The following TSHZ2 variants were observed in gnomAD, a reference collection of about 807,000 sequenced individuals.
The protein encoded by TSHZ2 is teashirt zinc finger homeobox 2, also known as teashirt homolog 2.
A neutral mutation model predicts 74.4 loss-of-function variants in TSHZ2; 21 were observed. The ratio of observed to expected loss-of-function variants is 0.28; its 90% CI spans 0.20 to 0.41. The LOEUF (loss-of-function observed/expected upper bound fraction) is 0.41, where lower values mean the gene tolerates loss of function less well. TSHZ2 is among the 10% of genes least tolerant of loss of function. The pLI, the probability that TSHZ2 is intolerant of heterozygous loss-of-function variation, is 1.00. For missense variants in TSHZ2, 1,244 were observed against 1,293.5 expected (o/e 0.96, Z 0.59); for synonymous variants, 540 against 515.3 (o/e 1.05, Z -0.65).
chr20:53,322,850 C>T (rs977836165), intron 2 of TSHZ2, among the ~76,000 whole-genome samples: 1 of 152,220 alleles, frequency 6.6e-6, no homozygotes, highest in Admixed American at 6.5e-5. Flanking sequence ...CTGCCCACCA[C>T]GGAAGTAAAA....
At chr20:53,223,474 C>T (rs934746575) in intron 1 of TSHZ2, among the ~76,000 whole-genome samples, 1 of 152,182 alleles carries the variant, frequency 6.6e-6, no homozygotes, top group Non-Finnish European at 1.5e-5. Context: ...TCTCTGTAGC[C>T]TAGAGCTCCT....
chr20:53,225,039 A>G (rs761108457), intron 1 of TSHZ2, among the ~76,000 whole-genome samples: 78 of 152,278 alleles, frequency 5.1e-4, no homozygotes, highest in Non-Finnish European at 9.7e-4. Context: ...TTCTGTTGCA[A>G]CTGCTCCACT....
chr20:53,127,215 G>A (rs1240265366), intron 1 of TSHZ2, among the ~76,000 whole-genome samples: 1 of 152,198 alleles, frequency 6.6e-6, no homozygotes, highest in Non-Finnish European at 1.5e-5. Context: ...TGCCCACTAA[G>A]TGTTGGGCAC....
intron 1 of TSHZ2, among the ~76,000 whole-genome samples, chr20:52,993,261 C>G (rs1213568858): frequency 1.3e-5 from 2 of 152,138 alleles, no homozygotes; most frequent in Non-Finnish European, 2.9e-5. Flanking sequence ...ATGTTCCCTG[C>G]TCACTGCATT....
chr20:53,310,807 G>C (rs919589730), intron 2 of TSHZ2, among the ~76,000 whole-genome samples: 1 of 152,134 alleles, frequency 6.6e-6, no homozygotes, highest in Non-Finnish European at 1.5e-5. Flanking sequence ...TCACCATCCA[G>C]TGCATTATAA....
At chr20:53,137,913 C>T (rs1036742527) in intron 1 of TSHZ2, among the ~76,000 whole-genome samples, 1 of 152,016 alleles carries the variant, frequency 6.6e-6, no homozygotes, top group African/African-American at 2.4e-5. Context: ...TTAGAGCTAT[C>T]TTTAAAAAAT....
At chr20:53,258,430 G>A (rs755566653) in intron 2 of TSHZ2, among the ~76,000 whole-genome samples, 2 of 152,156 alleles carry the variant, frequency 1.3e-5, no homozygotes, top group African/African-American at 4.8e-5. Flanking sequence ...CAATAGTGGT[G>A]GGTTGAAACC....
chr20:53,279,401 T>A (rs887292375), intron 2 of TSHZ2, among the ~76,000 whole-genome samples: 4 of 152,220 alleles, frequency 2.6e-5, no homozygotes, highest in Non-Finnish European at 4.4e-5. Flanking sequence ...TCATAAAACA[T>A]CATTCTTCTT....
intron 1 of TSHZ2, among the ~76,000 whole-genome samples, chr20:53,041,027 C>A (rs1204017577): frequency 6.6e-6 from 1 of 152,222 alleles, no homozygotes; most frequent in Non-Finnish European, 1.5e-5. Context: ...ACTGGTTAGT[C>A]TCTGCAGGAA....
intron 1 of TSHZ2, among the ~76,000 whole-genome samples, chr20:53,175,303 G>T (rs551941771): frequency 4.6e-5 from 7 of 151,842 alleles, no homozygotes; most frequent in Admixed American, 4.6e-4. Context: ...ACCACGCCTG[G>T]CTAATTTTTT....
chr20:53,301,691 TCTC>T (rs1201674134), intron 2 of TSHZ2, among the ~76,000 whole-genome samples: 2 of 152,204 alleles, frequency 1.3e-5, no homozygotes, highest in African/African-American at 4.8e-5. Context: ...GATACCCTCT[TCTC>T]CTTTTATTGT....
At chr20:52,988,360 G>C (rs1011614145) in intron 1 of TSHZ2, among the ~76,000 whole-genome samples, 3 of 152,038 alleles carry the variant, frequency 2.0e-5, no homozygotes, top group African/African-American at 7.2e-5. Flanking sequence ...AAATTTCAAG[G>C]AGCTTGACTA....
chr20:53,011,330 G>A (rs1025151379), intron 1 of TSHZ2, among the ~76,000 whole-genome samples: 8 of 152,290 alleles, frequency 5.3e-5, no homozygotes, highest in South Asian at 4.2e-4. Context: ...CACTGTAGCC[G>A]AGAATCTCAC....
At chr20:53,089,554 G>T (rs1985811245) in intron 1 of TSHZ2, among the ~76,000 whole-genome samples, 1 of 152,138 alleles carries the variant, frequency 6.6e-6, no homozygotes, top group African/African-American at 2.4e-5. Flanking sequence ...TAGTGACTGA[G>T]AAAAGATTTG....
chr20:53,363,406 T>A (rs1401144835), intron 2 of TSHZ2, among the ~76,000 whole-genome samples: 1 of 152,190 alleles, frequency 6.6e-6, no homozygotes, highest in Non-Finnish European at 1.5e-5. Context: ...CCAGACACCG[T>A]CAAGATTTGG....
intron 2 of TSHZ2, among the ~76,000 whole-genome samples, chr20:53,446,996 C>CAT (rs1377431467): frequency 6.6e-6 from 1 of 152,222 alleles, no homozygotes; most frequent in Non-Finnish European, 1.5e-5. Flanking sequence ...GAAACTTACA[C>CAT]ATTTTTTTTC....
At chr20:53,341,481 CT>C (rs1203669396) in intron 2 of TSHZ2, among the ~76,000 whole-genome samples, 5 of 151,542 alleles carry the variant, frequency 3.3e-5, no homozygotes, top group African/African-American at 1.2e-4. Flanking sequence ...CTCTTTCTGT[CT>C]TTTTTCTTTA....
chr20:53,060,908 C>T (rs1257886087), intron 1 of TSHZ2, among the ~76,000 whole-genome samples: 2 of 152,172 alleles, frequency 1.3e-5, no homozygotes, highest in Admixed American at 6.5e-5. Context: ...CTGGTTTTCA[C>T]AGTCTAGGTT....
Position 53,256,527 on chromosome 20 carries a change from C to T in TSHZ2, c.3069C>T (p.His1023=), listed in dbSNP as rs1430352591. The change falls in exon 2 of 3, where the codon CAC becomes CAT. Residue 1023 remains histidine (H), a synonymous_variant. Coordinates refer to ENST00000371497, the MANE Select transcript of TSHZ2 (RefSeq NM_173485.6). This position sits in a 1 kb window ranked among gnomAD's most constrained non-coding sequence, Gnocchi z 4.3. ...AAACGCACAGCAAGTCACCCGAACA[C>T]CATTCACAGTTTGTAACAGACGTGG... is the stretch of plus-strand genomic sequence containing the variant. The part of the protein sequence containing the change: ...LSKTHSKSPE[H]HSQFVTDVDE... The T allele has an allele frequency of 6.2e-7, 1 of 1,605,534 alleles. No homozygotes were observed. Among genetic ancestry groups the T allele is most frequent in the Non-Finnish European group, 8.5e-7 (1 of 1,174,216 alleles).
Sources: gnomAD v4.1 joint callset for allele counts (sites outside exome capture counted in the v4.1 genomes callset) on GRCh38, gnomAD v4.1.1 for gene constraint, Gnocchi (gnomAD v3.1) non-coding constraint, MANE v1.5 for transcripts, NCBI Gene and HGNC (gene_info 2026-07-23, HGNC 2026-07-21) for gene names.